Variants in ANKRD36C observed in about 807,000 individuals in gnomAD.
ANKRD36C encodes the protein ankyrin repeat domain 36C, also known as ankyrin repeat domain-containing protein 36C.
In ANKRD36C, 61 loss-of-function variants were observed where a neutral mutation model predicts 276.4. The ratio of observed to expected loss-of-function variants is 0.22; its 90% CI spans 0.18 to 0.27. The LOEUF is 0.27. Among genes scored for constraint, ANKRD36C ranks in the 10% least tolerant of loss-of-function variants. The probability of loss-of-function intolerance (pLI) is 1.00; values close to 1 mark genes in which losing one functional copy is unlikely to be tolerated. For missense variants in ANKRD36C, 1,447 were observed against 2,032.3 expected (o/e 0.71, Z 5.54); for synonymous variants, 483 against 680.1 (o/e 0.71, Z 4.51).
chr2:95,907,981 T>C (rs970307849), intron 42 of ANKRD36C, among the ~76,000 whole-genome samples: 17 of 150,566 alleles, frequency 1.1e-4, no homozygotes, highest in African/African-American at 2.7e-4. Flanking sequence ...ACTCAGGTTT[T>C]CTCAGCAGAA....
exon 61 of ANKRD36C, chr2:95,859,914 T>C: frequency 1.3e-6 from 2 of 1,550,530 alleles, no homozygotes; most frequent in Non-Finnish European, 1.7e-6. Flanking sequence ...TTAACTGCGA[T>C]TTTATTTCTT....
exon 34 of ANKRD36C, chr2:95,921,668 G>A (rs560773886): frequency 4.0e-5 from 65 of 1,607,850 alleles, no homozygotes; most frequent in Middle Eastern, 1.7e-4. Context: ...AATCTTCCTC[G>A]TCAGTTGTAG....
intron 29 of ANKRD36C, 43 bp from the exon 30 acceptor site, chr2:95,925,467 T>C: frequency 6.5e-7 from 1 of 1,547,138 alleles, no homozygotes; most frequent in Non-Finnish European, 8.7e-7. Flanking sequence ...ATAATATATA[T>C]TTCATAGGCT....
exon 50 of ANKRD36C, chr2:95,887,926 T>C (rs1676238265): frequency 6.3e-7 from 1 of 1,584,990 alleles, no homozygotes. Flanking sequence ...TGAAATTACC[T>C]GTTCCAGATT....
intron 64 of ANKRD36C, chr2:95,853,004 A>G (rs1412958557): frequency 1.3e-5 from 2 of 152,132 alleles, no homozygotes; most frequent in Non-Finnish European, 2.9e-5. Flanking sequence ...AACCAACCCA[A>G]ACATCTCAAA....
intron 6 of ANKRD36C, among the ~76,000 whole-genome samples, chr2:95,974,047 T>A (rs1401445307): frequency 1.4e-5 from 2 of 144,560 alleles, no homozygotes; most frequent in African/African-American, 2.5e-5. Flanking sequence ...AAAGACTCAA[T>A]CTCAAAAAAA....
At chr2:95,980,877 T>C in intron 4 of ANKRD36C, 92 bp from the exon 5 acceptor site, 1 of 1,477,534 alleles carries the variant, frequency 6.8e-7, no homozygotes, top group South Asian at 1.4e-5. Context: ...CCTGTCCATG[T>C]AGAATTAACC....
At chr2:95,951,198 A>G (rs910415121) in intron 15 of ANKRD36C, 150 bp downstream of exon 15, 31 of 690,342 alleles carry the variant, frequency 4.5e-5, no homozygotes, top group Non-Finnish European at 6.2e-5. Flanking sequence ...ACTTGAACCC[A>G]GGAGATGGAA....
intron 60 of ANKRD36C, among the ~76,000 whole-genome samples, chr2:95,863,256 T>A (rs1394824740): frequency 4.6e-5 from 7 of 152,076 alleles, no homozygotes; most frequent in Non-Finnish European, 7.4e-5. Flanking sequence ...AACAAATTCC[T>A]TTAAAAATGA....
intron 26 of ANKRD36C, among the ~76,000 whole-genome samples, chr2:95,928,767 G>C (rs1452697076): frequency 6.6e-6 from 1 of 151,194 alleles, no homozygotes; most frequent in East Asian, 1.9e-4. Flanking sequence ...TTCCCCTCTT[G>C]GTGGAAACAT....
chr2:95,891,999 G>T, intron 44 of ANKRD36C, 139 bp from the exon 65 acceptor site: 3 of 1,413,728 alleles, frequency 2.1e-6, no homozygotes, highest in Non-Finnish European at 2.9e-6. Flanking sequence ...TTGTGTCTGA[G>T]GACTAGAACA....
chr2:95,960,410 G>A (rs545382090), intron 10 of ANKRD36C, 63 bp downstream of exon 10: 102 of 1,530,960 alleles, frequency 6.7e-5, no homozygotes, highest in African/African-American at 4.3e-4. Context: ...TGATTTATTC[G>A]GGGAAGGGAA....
intron 32 of ANKRD36C, among the ~76,000 whole-genome samples, 185 bp from the exon 33 acceptor site, chr2:95,921,995 C>T (rs1043573229): frequency 2.6e-5 from 4 of 151,456 alleles, no homozygotes; most frequent in Non-Finnish European, 4.4e-5. Context: ...TGATGTGTCA[C>T]GATATATTCC....
rs1267952376 is a variant in ANKRD36C, at chr2:95,896,917, G to A, written c.2755+2228C>T. On this transcript the variant is annotated intron_variant, in intron 44 of 66. Coordinates refer to ENST00000456556, the Ensembl canonical transcript of ANKRD36C. ...GCTTTCTGTCTTTTCTTGGCAGTACGATCTGAAGTGTGTAAATTCTATACT... is the reference window on the plus strand; with the variant it reads ...GCTTTCTGTCTTTTCTTGGCAGTACAATCTGAAGTGTGTAAATTCTATACT... Among the ~76,000 whole-genome samples the A allele has an allele frequency of 1.5e-4, 22 of 148,294 alleles. 2 individuals are homozygous for A. The South Asian group carries it at 3.2e-3, about 21-fold the overall frequency.
At position 95,889,971 on chromosome 2, in the gene ANKRD36C, A is replaced by G. The variant is rs762867061; in HGVS notation, c.2881T>C (p.Leu961=). 152 of 1,609,900 alleles carry G rather than the reference A, an allele frequency of 9.4e-5. 2 individuals carry two copies. In the South Asian group the frequency reaches 1.5e-3, roughly 16 times the overall value. The change falls in exon 47 of 67, where the codon TTG becomes CTG. Residue 961 remains leucine, a synonymous_variant. Transcript: ENST00000456556. ...ATAAATGAGAGTTTAATTACCTTCAAGGCTGGTTGTTTATGAGAAGACACT... is the reference window on the plus strand; with the variant it reads ...ATAAATGAGAGTTTAATTACCTTCAGGGCTGGTTGTTTATGAGAAGACACT...
chr2:95,925,141 TCAATGTAGGGAACTCTA>T lies in ANKRD36C; in HGVS notation c.2041+194_2041+210del, dbSNP rs531160044. 7.2e-3 allele frequency among the ~76,000 whole-genome samples: 1,089 copies of T among 151,694 alleles called. 8 individuals carry two copies. Among genetic ancestry groups the T allele is most frequent in the Admixed American group, 0.011 (163 of 15,192 alleles). On this transcript the variant is annotated intron_variant, in intron 30 of 66. Transcript: ENST00000456556. ...TTTCCAATGGTTCTTCCATCCAAATTCAATGTAGGGAACTCTACAAGCTTGTTACTAAGATCATGGCC... is the reference window on the plus strand; with the variant it reads ...TTTCCAATGGTTCTTCCATCCAAATTCAAGCTTGTTACTAAGATCATGGCC...
At chr2:95,921,650 C>A (rs544343875) in exon 34 of ANKRD36C, 2 of 1,608,286 alleles carry the variant, frequency 1.2e-6, no homozygotes, top group Admixed American at 1.7e-5. Flanking sequence ...TGGCTATATT[C>A]GAAACAGAAT....
At chr2:95,970,943 T>C (rs1042316420) in intron 6 of ANKRD36C, among the ~76,000 whole-genome samples, 1 of 152,140 alleles carries the variant, frequency 6.6e-6, no homozygotes, top group Non-Finnish European at 1.5e-5. Flanking sequence ...CTCCCCATTA[T>C]GTGGCAAATG....
chr2:95,897,564 G>A, intron 44 of ANKRD36C, 99 bp from the exon 59 acceptor site: 10 of 1,458,424 alleles, frequency 6.9e-6, no homozygotes, highest in Non-Finnish European at 8.4e-6. Flanking sequence ...CCTCCTGCCT[G>A]TATTAGCGTA....
Sources: gnomAD v4.1 joint callset for allele counts (sites outside exome capture counted in the v4.1 genomes callset) on GRCh38, gnomAD v4.1.1 for gene constraint, MANE v1.5 for transcripts, NCBI Gene and HGNC (gene_info 2026-07-23, HGNC 2026-07-21) for gene names.